Variants in PCDHGB1 observed in about 807,000 individuals in gnomAD.
PCDHGB1 encodes protocadherin gamma subfamily B, 1, also known as protocadherin gamma-B1.
In PCDHGB1, 34 loss-of-function variants were observed where a neutral mutation model predicts 56.6. That is an observed-to-expected ratio of 0.60 (90% CI 0.46 to 0.80). The LOEUF (loss-of-function observed/expected upper bound fraction) is 0.80, where lower values mean the gene tolerates loss of function less well. Ranked by LOEUF, PCDHGB1 falls within the 30% of genes least tolerant of loss-of-function variation. The pLI, the probability that PCDHGB1 is intolerant of heterozygous loss-of-function variation, is 0.00. For synonymous variants in PCDHGB1, 561 were observed against 505.9 expected (o/e 1.11, Z -1.46); for missense variants, 1,278 against 1,204.6 (o/e 1.06, Z -0.90).
chr5:141,477,752 G>C lies in PCDHGB1; in HGVS notation c.2410-17055G>C. On this transcript the variant is annotated intron_variant, in intron 1 of 3. Coordinates refer to ENST00000523390, the MANE Select transcript of PCDHGB1 (RefSeq NM_018922.3). This position sits in a 1 kb window ranked among gnomAD's most constrained non-coding sequence, Gnocchi z 4.9. ...TCATATCAGCGATGGGGGCACCCCG[G>C]TCCTAGCCACCAACATCAGCGTGAA... The C allele has an allele frequency of 6.2e-7, 1 of 1,613,868 alleles. No homozygotes were observed.
intron 1 of PCDHGB1, chr5:141,395,547 TGTGTG>T (rs2093267739): frequency 0.011 from 1,902 of 174,314 alleles, 94 homozygotes; most frequent in African/African-American, 0.026. Flanking sequence ...ATTGTTTGTG[TGTGTG>T]TGTGTGTGTG....
intron 1 of PCDHGB1, chr5:141,371,338 A>G (rs767000210): frequency 6.2e-7 from 1 of 1,613,990 alleles, no homozygotes; most frequent in Non-Finnish European, 8.5e-7. Context: ...AGAGATAGCT[A>G]CACAATTGGG....
At chr5:141,352,763 G>A in intron 1 of PCDHGB1, 94 bp downstream of exon 1, 2 of 1,302,156 alleles carry the variant, frequency 1.5e-6, no homozygotes, top group South Asian at 2.8e-5. Context: ...GCTGAGGCAG[G>A]TGGATCACTT....
chr5:141,376,151 A>T lies in PCDHGB1; in HGVS notation c.2409+23482A>T. ...CGCCAAACCCAACGATTCGGACCTC[A>T]CTCTGTACCTGGTGGTGGCGGTGGC... On this transcript the variant is annotated intron_variant, in intron 1 of 3. Coordinates refer to ENST00000523390, the MANE Select transcript of PCDHGB1 (RefSeq NM_018922.3). The T allele has an allele frequency of 1.9e-6, 3 of 1,612,748 alleles. No individual in the cohort carries two copies. In the South Asian group the frequency reaches 3.3e-5, roughly 18 times the overall value.
chr5:141,359,980 TAGAG>T (rs1761379708), intron 1 of PCDHGB1: 2 of 851,316 alleles, frequency 2.3e-6, no homozygotes, highest in African/African-American at 3.4e-5. Context: ...GGGAGCCTCT[TAGAG>T]GGGAACTTCC....
intron 1 of PCDHGB1, chr5:141,383,606 A>G (rs368778165): frequency 6.2e-7 from 1 of 1,613,768 alleles, no homozygotes; most frequent in Non-Finnish European, 8.5e-7. Flanking sequence ...GTGGATGTGA[A>G]TGACCACACG....
intron 1 of PCDHGB1, chr5:141,430,849 G>A: frequency 6.3e-7 from 1 of 1,582,030 alleles, no homozygotes; most frequent in Non-Finnish European, 8.6e-7. Flanking sequence ...GATGCACCCA[G>A]ATACGCTATT....
intron 1 of PCDHGB1, chr5:141,382,870 C>A (rs760530453): frequency 2.0e-6 from 3 of 1,519,788 alleles, no homozygotes; most frequent in East Asian, 4.5e-5. Flanking sequence ...TTCCCGAGAT[C>A]GGCGCCTAAG....
chr5:141,365,285 G>T (rs1215849562), intron 1 of PCDHGB1: 2 of 1,613,898 alleles, frequency 1.2e-6, no homozygotes, highest in South Asian at 1.1e-5. Flanking sequence ...CCTCATGGAA[G>T]TGGTAGCTCA....
chr5:141,387,926 G>A (rs888934094), intron 1 of PCDHGB1: 1 of 1,236,078 alleles, frequency 8.1e-7, no homozygotes, highest in South Asian at 1.5e-5. Context: ...CTGAGAGGCT[G>A]CCAGTGCTCT....
At chr5:141,427,509 G>T in intron 1 of PCDHGB1, 1 of 588,640 alleles carries the variant, frequency 1.7e-6, no homozygotes, top group Non-Finnish European at 3.2e-6. Flanking sequence ...TGGGACCCTG[G>T]ATTGGGAGCG....
intron 3 of PCDHGB1, among the ~76,000 whole-genome samples, chr5:141,509,700 TGGA>T (rs1407159498): frequency 6.6e-6 from 1 of 152,192 alleles, no homozygotes; most frequent in East Asian, 1.9e-4. Flanking sequence ...GACGTTGGAC[TGGA>T]GGTGCTGTCT....
intron 1 of PCDHGB1, among the ~76,000 whole-genome samples, chr5:141,396,910 A>G (rs1335319555): frequency 1.3e-5 from 2 of 152,208 alleles, no homozygotes; most frequent in Non-Finnish European, 2.9e-5. Flanking sequence ...GCACTTTGCA[A>G]TTTTAAAAAC....
intron 1 of PCDHGB1, chr5:141,433,160 A>G: frequency 1.9e-6 from 3 of 1,613,848 alleles, no homozygotes; most frequent in Middle Eastern, 1.7e-4. Context: ...GGTATTTTCT[A>G]AAGACAGTCA....
rs775254727 is a variant in PCDHGB1 at position 141,352,609 on chromosome 5, G to A, written c.2349G>A (p.Met783Ile). 1.4e-5 allele frequency: 22 copies of A among 1,613,342 alleles called. No homozygotes were observed. The African/African-American group carries it at 2.8e-4, about 21-fold the overall frequency. Residue 783 changes from methionine to isoleucine, a missense_variant, in exon 1 of 4, where the codon ATG (methionine) becomes ATA (isoleucine). Transcript: ENST00000523390. ...PQDLLCDDPS[M>I]VVCASNEDHK... ...ATCTGCTGTGTGATGATCCTTCTAT[G>A]GTTGTATGTGCCAGTAATGAAGATC...
At chr5:141,399,318 G>A (rs772027563) in intron 1 of PCDHGB1, 19 of 1,613,830 alleles carry the variant, frequency 1.2e-5, no homozygotes, top group East Asian at 4.5e-5. Context: ...CCAAAAATTC[G>A]TATAAGTTGG....
intron 3 of PCDHGB1, among the ~76,000 whole-genome samples, chr5:141,509,015 C>T (rs1370464396): frequency 6.6e-6 from 1 of 152,098 alleles, no homozygotes; most frequent in East Asian, 1.9e-4. Flanking sequence ...AAGTGGGCAG[C>T]TGCTCCCTCC....
intron 1 of PCDHGB1, chr5:141,394,762 G>A: frequency 6.2e-7 from 1 of 1,613,396 alleles, no homozygotes; most frequent in Non-Finnish European, 8.5e-7. Flanking sequence ...CAGGACCATG[G>A]CCAGCCCCCT....
chr5:141,459,117 T>A (rs1489347692), intron 1 of PCDHGB1, among the ~76,000 whole-genome samples: 1 of 152,224 alleles, frequency 6.6e-6, no homozygotes, highest in Non-Finnish European at 1.5e-5. Flanking sequence ...GACAATTGTT[T>A]ACATCTGTGT....
Sources: gnomAD v4.1 joint callset for allele counts (sites outside exome capture counted in the v4.1 genomes callset) on GRCh38, gnomAD v4.1.1 for gene constraint, Gnocchi (gnomAD v3.1) non-coding constraint, MANE v1.5 for transcripts, NCBI Gene and HGNC (gene_info 2026-07-23, HGNC 2026-07-21) for gene names.